The following SLC22A5 variants were observed in gnomAD, a reference collection of about 807,000 sequenced individuals.
SLC22A5 encodes organic cation/carnitine transporter 2.
Under a neutral mutation model 56.7 loss-of-function variants are expected in SLC22A5, and 44 were observed. The observed-to-expected ratio is 0.78, with a 90% CI of 0.61 to 1.00. SLC22A5 has a LOEUF of 1.00. Ranked by LOEUF, SLC22A5 falls within the 50% of genes least tolerant of loss-of-function variation. SLC22A5 has a pLI of 0.00. For missense variants in SLC22A5, 675 were observed against 723.0 expected, an observed-to-expected ratio of 0.93 and a Z score of 0.76; for synonymous variants, 278 against 292.1, an observed-to-expected ratio of 0.95 and a Z score of 0.49.
rs1580896997 is a variant in SLC22A5 at position 132,394,630 on chromosome 5, G to T, written c.*358G>T. On this transcript the variant is annotated 3_prime_UTR_variant, in exon 10 of 10. Transcript: ENST00000245407. The stretch of plus-strand genomic sequence containing the variant: ...TTTTAATTTTAGACTACTTGAAAAG[G>T]CCCCTAATAAGGCTAGAGGTCTAAG... 3.4e-6 allele frequency: 1 copy of T among 290,514 alleles called. No homozygotes were observed. The highest frequency in any genetic ancestry group is 6.6e-6 in the Non-Finnish European group (1 of 152,630). The allele number at this position is 290,514 out of a possible 1,614,324, so 18.0% of individuals were successfully genotyped here.
intron 2 of SLC22A5, chr5:132,382,430 C>G (rs1752379605): frequency 6.7e-6 from 1 of 150,238 alleles, no homozygotes; most frequent in South Asian, 2.2e-4. Flanking sequence ...TTCAGGATCC[C>G]TAGTTCCTTA....
At chr5:132,386,882 T>A in intron 4 of SLC22A5, 143 bp from the exon 5 acceptor site, 2 of 878,806 alleles carry the variant, frequency 2.3e-6, no homozygotes. Context: ...GTGGATCAGC[T>A]CTTTGCTTCT....
intron 3 of SLC22A5, among the ~76,000 whole-genome samples, chr5:132,384,936 T>G (rs1045191804): frequency 6.6e-6 from 1 of 152,212 alleles, no homozygotes; most frequent in Non-Finnish European, 1.5e-5. Flanking sequence ...GTTGTATTGT[T>G]GAAAGGGTTG....
At chr5:132,384,398 G>C in intron 3 of SLC22A5, 97 bp downstream of exon 3, 1 of 1,289,038 alleles carries the variant, frequency 7.8e-7, no homozygotes, top group Non-Finnish European at 1.1e-6. Flanking sequence ...CCCTCAAGGG[G>C]GACAGGGTTT....
At position 132,387,073 on chromosome 5, in the gene SLC22A5, A is replaced by G; in HGVS notation, c.873A>G (p.Glu291=). The G allele has an allele frequency of 6.2e-7, 1 of 1,614,118 alleles. No homozygotes were observed. The highest frequency in any genetic ancestry group is 8.5e-7 in the Non-Finnish European group (1 of 1,179,988). Residue 291 remains glutamate (E), a synonymous_variant, in exon 5 of 10, where the codon GAA becomes GAG. Transcript: ENST00000245407. ...GGCTCATCTCTCAGGGACGATTTGA[A>G]GAGGCAGAGGTGATCATCCGCAAGG... ...PRWLISQGRF[E]EAEVIIRKAA... is the part of the protein sequence containing the mutation.
intron 2 of SLC22A5, chr5:132,380,055 A>T (rs1752294421): frequency 6.6e-6 from 1 of 152,308 alleles, no homozygotes; most frequent in African/African-American, 2.4e-5. Flanking sequence ...ATGGTAAGAG[A>T]TACAGAGAAG....
chr5:132,372,358 G>A (rs1435134307), intron 1 of SLC22A5, among the ~76,000 whole-genome samples: 1 of 152,294 alleles, frequency 6.6e-6, no homozygotes, highest in South Asian at 2.1e-4. Context: ...TCTACTTGGG[G>A]CTGCCTAAAG....
intron 7 of SLC22A5, 107 bp from the exon 8 acceptor site, chr5:132,392,326 A>G: frequency 1.0e-6 from 1 of 1,002,394 alleles, no homozygotes; most frequent in South Asian, 1.3e-5. Flanking sequence ...AAGTGATAGA[A>G]ACTGACTCCC....
intron 1 of SLC22A5, among the ~76,000 whole-genome samples, chr5:132,372,624 A>G (rs1751974444): frequency 1.3e-5 from 2 of 152,146 alleles, no homozygotes. Flanking sequence ...TAGCAGTTTC[A>G]AAGGAGTTAT....
intron 1 of SLC22A5, among the ~76,000 whole-genome samples, chr5:132,374,105 A>G (rs1752047444): frequency 6.6e-6 from 1 of 151,814 alleles, no homozygotes; most frequent in Admixed American, 6.6e-5. Context: ...AATCCCAGCT[A>G]CTCGGGAGGG....
At chr5:132,378,663 G>A (rs1453701324) in intron 2 of SLC22A5, 182 bp downstream of exon 2, 16 of 622,938 alleles carry the variant, frequency 2.6e-5, no homozygotes, top group Non-Finnish European at 2.9e-5. Context: ...ATCTGACTCC[G>A]TAATTCTTGC....
intron 2 of SLC22A5, 149 bp from the exon 3 acceptor site, chr5:132,383,998 T>G: frequency 1.3e-6 from 1 of 781,738 alleles, no homozygotes; most frequent in South Asian, 1.5e-5. Flanking sequence ...ATGGGCACTG[T>G]GAGACCGAGA....
At chr5:132,394,068 C>T in intron 9 of SLC22A5, 117 bp from the exon 10 acceptor site, 1 of 831,112 alleles carries the variant, frequency 1.2e-6, no homozygotes, top group Non-Finnish European at 2.0e-6. Context: ...AGAAACCTTT[C>T]AGAATCTGCT....
rs1751814202 is a variant in SLC22A5, at chr5:132,369,870, G to A, written c.-103G>A. 2 of 1,484,430 alleles carry A rather than the reference G, an allele frequency of 1.3e-6. No homozygotes were observed. Among genetic ancestry groups the A allele is most frequent in the African/African-American group, 2.8e-5 (2 of 71,872 alleles). 92.0% of individuals were successfully genotyped at this position (1,484,430 alleles called of 1,614,324 possible). A position where few individuals can be genotyped will look rare whatever the true frequency, so the allele number is the denominator to read the frequency against. ...CTCCGCGGACGGTCTTGGGTCGCCT[G>A]CTGCCTGGCTTGCCTGGTCGGCGGC... On this transcript the variant is annotated 5_prime_UTR_variant, in exon 1 of 10. Coordinates refer to ENST00000245407, the MANE Select transcript of SLC22A5 (RefSeq NM_003060.4).
intron 2 of SLC22A5, chr5:132,380,885 A>G: frequency 7.3e-6 from 1 of 137,272 alleles, no homozygotes; most frequent in East Asian, 2.4e-4. Context: ...AGCATATAGA[A>G]CCCTCAGCAG....
intron 2 of SLC22A5, chr5:132,380,383 A>G (rs892795280): frequency 1.6e-4 from 25 of 151,844 alleles, no homozygotes; most frequent in African/African-American, 6.1e-4. Context: ...GCCACAGAGC[A>G]GCGGTGGGCT....
Position 132,394,262 on chromosome 5 carries a change from C to T in SLC22A5, c.1664C>T (p.Thr555Ile). ...GQERPTILKS[T>I]AF The stretch of plus-strand genomic sequence containing the variant: ...GAAAGGCCCACAATCCTTAAAAGCA[C>T]AGCCTTCTAACATCGCTTCCAGTAA... Residue 555 changes from threonine to isoleucine, a missense_variant, in exon 10 of 10, where the codon ACA becomes ATA. By Grantham distance (89) the Thr-to-Ile change is moderately conservative. Coordinates refer to ENST00000245407, the MANE Select transcript of SLC22A5 (RefSeq NM_003060.4). The T allele has an allele frequency of 1.9e-6, 3 of 1,608,612 alleles. No individual in the cohort carries two copies. Among genetic ancestry groups the T allele is most frequent in the South Asian group, 1.1e-5 (1 of 90,994 alleles).
chr5:132,378,514 C>A, intron 2 of SLC22A5, 33 bp downstream of exon 2: 1 of 1,500,010 alleles, frequency 6.7e-7, no homozygotes, highest in Non-Finnish European at 9.3e-7. Context: ...CACCAGGGGA[C>A]CTCAGCACTG....
At chr5:132,381,667 G>A (rs1254500812) in intron 2 of SLC22A5, 7 of 152,224 alleles carry the variant, frequency 4.6e-5, no homozygotes, top group Admixed American at 4.6e-4. Context: ...GGTTGTCAAA[G>A]CCCTTTATGT....
Sources: gnomAD v4.1 joint callset for allele counts (sites outside exome capture counted in the v4.1 genomes callset) on GRCh38, gnomAD v4.1.1 for gene constraint, MANE v1.5 for transcripts, NCBI Gene and HGNC (gene_info 2026-07-23, HGNC 2026-07-21) for gene names.